Variants in DHX37 observed in about 807,000 individuals in gnomAD.
DHX37 encodes DEAH-box helicase 37, also known as probable ATP-dependent RNA helicase DHX37.
A neutral mutation model predicts 134.3 loss-of-function variants in DHX37; 52 were observed. The observed-to-expected ratio is 0.39, with a 90% CI of 0.31 to 0.49. The LOEUF (loss-of-function observed/expected upper bound fraction) is 0.49, where lower values mean the gene tolerates loss of function less well. Ranked by LOEUF, DHX37 falls within the 20% of genes least tolerant of loss-of-function variation. DHX37 has a pLI of 0.93. For synonymous variants in DHX37, 634 were observed against 670.7 expected (o/e 0.95, Z 0.85); for missense variants, 1,344 against 1,580.8 (o/e 0.85, Z 2.54).
chr12:124,979,825 T>C (rs904195121), intron 4 of DHX37, among the ~76,000 whole-genome samples: 4 of 152,210 alleles, frequency 2.6e-5, no homozygotes, highest in Non-Finnish European at 2.9e-5. Flanking sequence ...ACGTTTGTGG[T>C]GTGAAGCCAC....
Position 124,956,890 on chromosome 12 carries a change from A to C in DHX37, c.2265-11T>G. On this transcript the variant is annotated splice_polypyrimidine_tract_variant and intron_variant, in intron 17 of 26. Transcript: ENST00000308736. ...TGCAGTTGCTTCACCCTGGAGATGG[A>C]GGTGGTGGTGGCAGTGCTCTGAGAG... 1 of 1,578,228 alleles carries C rather than the reference A, an allele frequency of 6.3e-7. No individual in the cohort carries two copies. The highest frequency in any genetic ancestry group is 8.7e-7 in the Non-Finnish European group (1 of 1,155,744).
chr12:124,958,195 C>T (rs1954141884), intron 16 of DHX37, among the ~76,000 whole-genome samples: 1 of 152,240 alleles, frequency 6.6e-6, no homozygotes, highest in African/African-American at 2.4e-5. Flanking sequence ...TACTGACCCA[C>T]ACACTTTCAA....
At chr12:124,961,297 TGCAC>T (rs1188352413) in intron 15 of DHX37, among the ~76,000 whole-genome samples, 2 of 137,582 alleles carry the variant, frequency 1.5e-5, no homozygotes, top group South Asian at 2.2e-4. Flanking sequence ...CTTACACGCG[TGCAC>T]GCACGCACAC....
At position 124,965,494 on chromosome 12, in the gene DHX37, C is replaced by T. The variant is rs117096966; in HGVS notation, c.1735+174G>A. The stretch of plus-strand genomic sequence containing the variant: ...AGCAAGGGGTTGGCAGCCCCCATTA[C>T]ATTCAACATGGCAAATGTTTGAGGC... On this transcript the variant is annotated intron_variant, in intron 13 of 26. Coordinates refer to ENST00000308736, the MANE Select transcript of DHX37 (RefSeq NM_032656.4). Among the ~76,000 whole-genome samples the T allele has an allele frequency of 7.6e-3, 1,157 of 152,336 alleles. 12 individuals are homozygous for T. Among genetic ancestry groups the T allele is most frequent in the Non-Finnish European group, 0.012 (791 of 68,026 alleles).
At position 124,950,731 on chromosome 12, in the gene DHX37, A is replaced by T; in HGVS notation, c.2942T>A (p.Val981Asp). 1.2e-6 allele frequency: 2 copies of T among 1,610,484 alleles called. No homozygotes were observed. The highest frequency in any genetic ancestry group is 1.7e-6 in the Non-Finnish European group (2 of 1,178,988). Reference sequence around the variant, plus strand: ...AGTGGTCTCCACGATTTCCTGGTAGACCACAAACTCGGGGAGCTCTTTGAA... The same window carrying T: ...AGTGGTCTCCACGATTTCCTGGTAGTCCACAAACTCGGGGAGCTCTTTGAA... ...VLFKELPEFV[V>D]YQEIVETTKM... Residue 981 changes from valine (V) to aspartate (D), a missense_variant, in exon 22 of 27, where the codon GTC becomes GAC. Val to Asp is a radical substitution (Grantham distance 152, BLOSUM62 -3). Around this residue, in one of 7 missense-constraint regions of DHX37, gnomAD observed 558 missense variants for 650.0 expected, o/e 0.86. Coordinates refer to ENST00000308736, the MANE Select transcript of DHX37 (RefSeq NM_032656.4).
At chr12:124,985,875 C>T (rs957175315) in intron 2 of DHX37, among the ~76,000 whole-genome samples, 5 of 151,564 alleles carry the variant, frequency 3.3e-5, no homozygotes, top group Non-Finnish European at 5.9e-5. Flanking sequence ...TGACATTCTC[C>T]GGAACAGTTC....
intron 20 of DHX37, 54 bp downstream of exon 20, chr12:124,953,826 T>C: frequency 6.3e-7 from 1 of 1,588,938 alleles, no homozygotes; most frequent in South Asian, 1.1e-5. Flanking sequence ...ACATTTCAAG[T>C]GCCCAGGTCA....
At position 124,949,548 on chromosome 12, in the gene DHX37, C is replaced by T. The variant is rs1286064103; in HGVS notation, c.3290+438G>A. 6.6e-6 allele frequency among the ~76,000 whole-genome samples: 1 copy of T among 152,188 alleles called. No individual in the cohort carries two copies. Among genetic ancestry groups the T allele is most frequent in the African/African-American group, 2.4e-5 (1 of 41,462 alleles). On this transcript the variant is annotated intron_variant, in intron 25 of 26. Transcript: ENST00000308736. The surrounding 1 kb of genome is among the most constrained non-coding windows in gnomAD (Gnocchi z 4.0). ...ACCTGGCGGCTCTGTGGGAGCTGCC[C>T]AGTGTCTCCCCTATCCCATATTCAT...
intron 20 of DHX37, chr12:124,953,302 A>G (rs1269561297): frequency 1.3e-5 from 2 of 153,456 alleles, no homozygotes; most frequent in Non-Finnish European, 2.9e-5. Flanking sequence ...AGAGCCATCA[A>G]TTCTGGCATC....
intron 4 of DHX37, 29 bp from the exon 5 acceptor site, chr12:124,977,519 G>A (rs1216407294): frequency 6.4e-7 from 1 of 1,574,372 alleles, no homozygotes; most frequent in Non-Finnish European, 8.6e-7. Flanking sequence ...AGCACTTAGG[G>A]AGCAGCAAGA....
At chr12:124,957,228 C>T in intron 16 of DHX37, 93 bp from the exon 17 acceptor site, 2 of 1,210,276 alleles carry the variant, frequency 1.7e-6, no homozygotes, top group Non-Finnish European at 2.2e-6. Flanking sequence ...CCCTCCAACC[C>T]CTCTCTCCGG....
rs776767613 is a variant in DHX37, at chr12:124,954,005, C to T, written c.2579-9G>A. On this transcript the variant is annotated splice_polypyrimidine_tract_variant and intron_variant, in intron 19 of 26. Transcript: ENST00000308736. The stretch of plus-strand genomic sequence containing the variant: ...ACAGGCTCCCACGGCGCCTGGGGAA[C>T]GAAGAGGGGGCATGCTCTCTCTCTG... The T allele has an allele frequency of 8.9e-5, 143 of 1,613,456 alleles. 1 individual carries two copies. The Admixed American group carries it at 1.1e-3, about 12-fold the overall frequency.
Position 124,951,492 on chromosome 12 carries a change from T to C in DHX37, c.2869-688A>G, listed in dbSNP as rs564269629. ...ACTGGGGACTCACAGCTTACATATG[T>C]GGGGTTTCTTTGTTGGGTAATAAAA... is the stretch of plus-strand genomic sequence containing the variant. On this transcript the variant is annotated intron_variant, in intron 21 of 26. Transcript: ENST00000308736. Among the ~76,000 whole-genome samples, 7 of 152,232 alleles carry C rather than the reference T, an allele frequency of 4.6e-5. No homozygotes were observed. The South Asian group carries it at 1.2e-3, about 27-fold the overall frequency.
intron 2 of DHX37, among the ~76,000 whole-genome samples, chr12:124,985,743 A>T (rs1036307168): frequency 1.5e-4 from 22 of 150,920 alleles, no homozygotes; most frequent in South Asian, 2.1e-4. Context: ...AAAAAAAAAA[A>T]ATTTTTTTAA....
At position 124,951,852 on chromosome 12, in the gene DHX37, A is replaced by G. The variant is rs1297990982; in HGVS notation, c.2868+546T>C. Among the ~76,000 whole-genome samples, 3 of 152,304 alleles carry G rather than the reference A, an allele frequency of 2.0e-5. No homozygotes were observed. The East Asian group carries it at 5.8e-4, about 29-fold the overall frequency. Reference sequence around the variant, plus strand: ...CTGGGCATGGTGGCACACACCTGTAATCCTAGCTATTTGGGAGGCTGAGGC... The same window carrying G: ...CTGGGCATGGTGGCACACACCTGTAGTCCTAGCTATTTGGGAGGCTGAGGC... On this transcript the variant is annotated intron_variant, in intron 21 of 26. Transcript: ENST00000308736.
intron 16 of DHX37, among the ~76,000 whole-genome samples, chr12:124,959,232 C>G (rs187375967): frequency 1.9e-4 from 29 of 152,182 alleles, no homozygotes; most frequent in African/African-American, 6.7e-4. Flanking sequence ...TGCCACCACA[C>G]TCAGCTAATT....
intron 12 of DHX37, among the ~76,000 whole-genome samples, chr12:124,966,348 G>A (rs146207148): frequency 0.012 from 1,748 of 151,814 alleles, 15 homozygotes; most frequent in Non-Finnish European, 0.017. Context: ...GATTACAGGC[G>A]TAGCCACCAC....
At chr12:124,961,183 CGCACGCACACACACACATACACGTGT>C (rs1322297484) in intron 15 of DHX37, among the ~76,000 whole-genome samples, 1 of 30,522 alleles carries the variant, frequency 3.3e-5, no homozygotes, top group African/African-American at 1.6e-4. Context: ...CGCGCATGCG[CGCACGCACACACACACATACACGTGT>C]GCACGCACGC....
At position 124,952,556 on chromosome 12, in the gene DHX37, G is replaced by A. The variant is rs756620148; in HGVS notation, c.2710C>T (p.Pro904Ser). 1 of 1,590,602 alleles carries A rather than the reference G, an allele frequency of 6.3e-7. No individual in the cohort carries two copies. The highest frequency in any genetic ancestry group is 1.1e-5 in the South Asian group (1 of 89,704). Residue 904 changes from proline (P) to serine (S), a missense_variant, in exon 21 of 27, where the codon CCC (proline) becomes TCC (serine). By Grantham distance (74) the Pro-to-Ser change is moderately conservative (BLOSUM62 -1). Around this residue, in one of 7 missense-constraint regions of DHX37, gnomAD observed 558 missense variants for 650.0 expected, o/e 0.86. Coordinates refer to ENST00000308736, the MANE Select transcript of DHX37 (RefSeq NM_032656.4). The stretch of plus-strand genomic sequence containing the variant: ...GGATCCACGAAGAGCTCAGCCTCGG[G>A]GCACACGGCATTGACTGAGGGGAGA... ...QLTTAVNAVC[P>S]EAELFVDPKM...
Sources: allele counts gnomAD v4.1 joint callset (sites outside exome capture counted in the v4.1 genomes callset), GRCh38; gene constraint gnomAD v4.1.1; regional missense constraint gnomAD v4.1.1; non-coding constraint Gnocchi (gnomAD v3.1); transcripts MANE v1.5; gene names NCBI Gene and HGNC (gene_info 2026-07-23, HGNC 2026-07-21).